AUTS2: variants seen among roughly 807,000 people sequenced by gnomAD.
The protein encoded by AUTS2 is activator of transcription and developmental regulator AUTS2.
A neutral mutation model predicts 112.4 loss-of-function variants in AUTS2; 17 were observed. That is an observed-to-expected ratio of 0.15 (90% CI 0.10 to 0.23). AUTS2 has a LOEUF of 0.23. Ranked by LOEUF, AUTS2 falls within the 10% of genes least tolerant of loss-of-function variation. AUTS2 has a pLI of 1.00. For synonymous variants in AUTS2, 751 were observed against 702.7 expected (o/e 1.07, Z -1.09); for missense variants, 1,510 against 1,701.6 (o/e 0.89, Z 1.98).
intron 4 of AUTS2, among the ~76,000 whole-genome samples, chr7:70,260,221 C>T (rs1427841385): frequency 6.6e-6 from 1 of 151,764 alleles, no homozygotes; most frequent in Non-Finnish European, 1.5e-5. Flanking sequence ...AAAAAATTAG[C>T]CAGGCGTGGT....
chr7:69,870,798 C>G (rs1184726792), intron 1 of AUTS2, among the ~76,000 whole-genome samples: 2 of 152,016 alleles, frequency 1.3e-5, no homozygotes, highest in Non-Finnish European at 2.9e-5. Flanking sequence ...TCTAGGGGAT[C>G]TCTCTCAACT....
intron 12 of AUTS2, 36 bp from the exon 13 acceptor site, chr7:70,775,321 C>T (rs1002619935): frequency 1.9e-6 from 3 of 1,596,084 alleles, no homozygotes; most frequent in African/African-American, 1.3e-5. Context: ...GTTTGAGTGA[C>T]AGGCATGTAA....
intron 1 of AUTS2, among the ~76,000 whole-genome samples, chr7:69,890,960 C>T (rs1185573743): frequency 2.0e-5 from 3 of 152,140 alleles, no homozygotes; most frequent in African/African-American, 7.2e-5. Flanking sequence ...GGCAAGGGCC[C>T]CTGGTTTTTA....
chr7:70,194,294 C>G (rs985548444), intron 4 of AUTS2, among the ~76,000 whole-genome samples: 1 of 152,090 alleles, frequency 6.6e-6, no homozygotes, highest in African/African-American at 2.4e-5. Context: ...CCTGTAATTC[C>G]AGCTACTCAG....
intron 1 of AUTS2, among the ~76,000 whole-genome samples, chr7:69,851,637 C>G (rs1792489184): frequency 6.6e-6 from 1 of 152,152 alleles, no homozygotes; most frequent in Admixed American, 6.5e-5. Context: ...TATGCCTTTC[C>G]TTTTATTTAG....
At chr7:70,045,192 G>T (rs1801445088) in intron 2 of AUTS2, among the ~76,000 whole-genome samples, 1 of 152,162 alleles carries the variant, frequency 6.6e-6, no homozygotes, top group Non-Finnish European at 1.5e-5. Flanking sequence ...CAAAGTTTAT[G>T]AAGGAAGTGT....
Position 70,694,307 on chromosome 7 carries a change from C to T in AUTS2, c.691-4262C>T, listed in dbSNP as rs1388081532. 6.7e-6 allele frequency: 1 copy of T among 150,102 alleles called. No homozygotes were observed. The highest frequency in any genetic ancestry group is 2.4e-5 in the African/African-American group (1 of 41,086). The allele number at this position is 150,102 out of a possible 1,614,324, so 9.3% of individuals were successfully genotyped here. A position where few individuals can be genotyped will look rare whatever the true frequency, so the allele number is the denominator to read the frequency against. On this transcript the variant is annotated intron_variant, in intron 5 of 18. Coordinates refer to ENST00000342771, the MANE Select transcript of AUTS2 (RefSeq NM_015570.4). The surrounding 1 kb of genome is among the most constrained non-coding windows in gnomAD (Gnocchi z 4.1). ...GCTCCGGCCAGAGGCGCCGCCGCCC[C>T]GCGCCCCGCCGTTGCAGCGCCTCCT...
At chr7:69,923,468 T>C (rs1795892052) in intron 2 of AUTS2, among the ~76,000 whole-genome samples, 1 of 152,184 alleles carries the variant, frequency 6.6e-6, no homozygotes, top group Non-Finnish European at 1.5e-5. Flanking sequence ...GTATGACTTT[T>C]AGAATCAGCT....
chr7:69,670,220 A>C (rs1796253005), intron 1 of AUTS2, among the ~76,000 whole-genome samples: 2 of 152,140 alleles, frequency 1.3e-5, no homozygotes, highest in Admixed American at 1.3e-4. Flanking sequence ...GCACAGCATG[A>C]GCATGACAGA....
At chr7:70,435,831 A>G in intron 5 of AUTS2, 50 bp downstream of exon 5, 1 of 1,586,050 alleles carries the variant, frequency 6.3e-7, no homozygotes, top group South Asian at 1.1e-5. Flanking sequence ...CACACTGAAC[A>G]CCAGAGTCCT....
At chr7:70,698,969 G>A (rs1046174833) in intron 6 of AUTS2, 18 of 183,486 alleles carry the variant, frequency 9.8e-5, no homozygotes, top group Non-Finnish European at 1.3e-4. Flanking sequence ...AATATAAATA[G>A]CTGATGTGCA....
At chr7:70,249,355 C>A (rs940322222) in intron 4 of AUTS2, among the ~76,000 whole-genome samples, 2 of 152,046 alleles carry the variant, frequency 1.3e-5, no homozygotes, top group African/African-American at 4.8e-5. Context: ...ACGCTGCAAG[C>A]CCTCAAAAGC....
At chr7:70,684,582 G>A (rs1165926095) in intron 5 of AUTS2, among the ~76,000 whole-genome samples, 1 of 150,696 alleles carries the variant, frequency 6.6e-6, no homozygotes, top group Non-Finnish European at 1.5e-5. Context: ...GGTATGGTGT[G>A]GCGTGGCATG....
At chr7:70,646,502 G>T (rs1241646865) in intron 5 of AUTS2, among the ~76,000 whole-genome samples, 1 of 152,222 alleles carries the variant, frequency 6.6e-6, no homozygotes, top group African/African-American at 2.4e-5. Flanking sequence ...CAACTGCCAG[G>T]TTGCAACAAA....
chr7:69,612,964 CT>C (rs1390623895), intron 1 of AUTS2, among the ~76,000 whole-genome samples: 1 of 152,136 alleles, frequency 6.6e-6, no homozygotes, highest in Non-Finnish European at 1.5e-5. Flanking sequence ...GAGGGAGCTG[CT>C]ATTTACTATT....
intron 16 of AUTS2, 62 bp from the exon 17 acceptor site, chr7:70,785,893 G>C (rs1791430976): frequency 6.6e-7 from 1 of 1,523,388 alleles, no homozygotes; most frequent in Admixed American, 1.7e-5. Context: ...CTCCCAGGAA[G>C]CTCTGGGTTC....
At chr7:69,931,403 T>C (rs1796223391) in intron 2 of AUTS2, among the ~76,000 whole-genome samples, 1 of 152,246 alleles carries the variant, frequency 6.6e-6, no homozygotes, top group African/African-American at 2.4e-5. Context: ...TGCAGCTTGC[T>C]ATTATACATC....
chr7:69,728,166 G>A (rs1179921015), intron 1 of AUTS2, among the ~76,000 whole-genome samples: 2 of 152,210 alleles, frequency 1.3e-5, no homozygotes, highest in Non-Finnish European at 2.9e-5. Context: ...ATGAGGAAGA[G>A]AAGGAGCAGG....
chr7:70,495,822 C>T (rs1259271631), intron 5 of AUTS2, among the ~76,000 whole-genome samples: 5 of 138,812 alleles, frequency 3.6e-5, no homozygotes, highest in Non-Finnish European at 6.1e-5. Flanking sequence ...ACATCAGCAT[C>T]GATCACACAC....
Sources: allele counts gnomAD v4.1 joint callset (sites outside exome capture counted in the v4.1 genomes callset), GRCh38; gene constraint gnomAD v4.1.1; non-coding constraint Gnocchi (gnomAD v3.1); transcripts MANE v1.5; gene names NCBI Gene and HGNC (gene_info 2026-07-23, HGNC 2026-07-21).